Variants in GPD2 observed in about 807,000 individuals in gnomAD.
GPD2 encodes glycerol-3-phosphate dehydrogenase 2.
GPD2 carries 54 observed loss-of-function variants against 82.4 expected under a neutral mutation model. That is an observed-to-expected ratio of 0.66 (90% confidence interval 0.53 to 0.82). GPD2 has a LOEUF of 0.82. GPD2 is among the 40% of genes least tolerant of loss of function. The pLI is 0.00. For synonymous variants in GPD2, 288 were observed against 306.1 expected (o/e 0.94, Z 0.62); for missense variants, 748 against 896.2 (o/e 0.83, Z 2.11).
intron 2 of GPD2, among the ~76,000 whole-genome samples, chr2:156,489,318 GT>G (rs1684063147): frequency 6.6e-6 from 1 of 152,204 alleles, no homozygotes; most frequent in Non-Finnish European, 1.5e-5. Flanking sequence ...TTTTAAGAAA[GT>G]AGTGTGCTAA....
chr2:156,568,310 T>C (rs1053127891), intron 9 of GPD2, among the ~76,000 whole-genome samples: 1 of 152,102 alleles, frequency 6.6e-6, no homozygotes, highest in Non-Finnish European at 1.5e-5. Context: ...TGCACAGTGG[T>C]AGGCCTGCTG....
intron 6 of GPD2, among the ~76,000 whole-genome samples, chr2:156,525,290 C>G (rs1034415799): frequency 2.0e-5 from 3 of 152,112 alleles, no homozygotes; most frequent in Non-Finnish European, 4.4e-5. Flanking sequence ...GCCCCTGAGC[C>G]CTTTTGATAC....
At chr2:156,477,497 T>C (rs1031184351) in intron 2 of GPD2, among the ~76,000 whole-genome samples, 1 of 152,118 alleles carries the variant, frequency 6.6e-6, no homozygotes. Flanking sequence ...GGCCTATCAT[T>C]AAAAAACCCA....
chr2:156,511,717 G>A (rs537332337), intron 4 of GPD2, among the ~76,000 whole-genome samples: 2 of 152,292 alleles, frequency 1.3e-5, no homozygotes, highest in Admixed American at 6.5e-5. Flanking sequence ...TGTTATAATA[G>A]CAATGCTGGC....
At chr2:156,404,905 T>C in the GPD2 span, among the ~76,000 whole-genome samples, 1 of 150,532 alleles carries the variant, frequency 6.6e-6, no homozygotes, top group African/African-American at 2.4e-5. Flanking sequence ...TCGATGATGA[T>C]AACACTACAA....
chr2:156,516,774 GT>G (rs1685213620), intron 6 of GPD2, among the ~76,000 whole-genome samples: 1 of 152,204 alleles, frequency 6.6e-6, no homozygotes. Context: ...GCTGCAAGAA[GT>G]TTTGCTAACT....
At chr2:156,526,383 A>G in intron 6 of GPD2, among the ~76,000 whole-genome samples, 1 of 152,244 alleles carries the variant, frequency 6.6e-6, no homozygotes, top group East Asian at 1.9e-4. Context: ...ATATGCTGTG[A>G]TTTGTTCAAA....
At chr2:156,562,403 G>A (rs373920596) in intron 9 of GPD2, among the ~76,000 whole-genome samples, 1 of 152,056 alleles carries the variant, frequency 6.6e-6, no homozygotes, top group Non-Finnish European at 1.5e-5. Flanking sequence ...GCTTTTTCTA[G>A]TTTCATTAGT....
At chr2:156,569,909 G>A (rs1196180030) in intron 11 of GPD2, among the ~76,000 whole-genome samples, 178 bp from the exon 12 acceptor site, 1 of 151,996 alleles carries the variant, frequency 6.6e-6, no homozygotes, top group African/African-American at 2.4e-5. Context: ...GTTAGTGCTG[G>A]CCTAAGCATT....
intron 2 of GPD2, 77 bp downstream of exon 2, chr2:156,476,284 C>T: frequency 2.4e-6 from 2 of 826,872 alleles, no homozygotes; most frequent in Admixed American, 1.7e-5. Flanking sequence ...AATGTGTGCA[C>T]TAACGGTTTT....
At chr2:156,444,528 C>T (rs1381785683) in intron 1 of GPD2, among the ~76,000 whole-genome samples, 2 of 151,988 alleles carry the variant, frequency 1.3e-5, no homozygotes, top group South Asian at 2.1e-4. Context: ...GCCTGGCCAA[C>T]GTGGCAAAAC....
rs1019486831 is a variant in GPD2, at chr2:156,528,666, C to T, written c.661+15170C>T. Reference sequence around the variant, plus strand: ...ATGTGTTCTCATTGTTCAATTCCCACCTATGAGTGAGAATATGTGGTGTTC... The same window carrying T: ...ATGTGTTCTCATTGTTCAATTCCCATCTATGAGTGAGAATATGTGGTGTTC... On this transcript the variant is annotated intron_variant, in intron 6 of 16. Coordinates refer to ENST00000438166, the MANE Select transcript of GPD2 (RefSeq NM_000408.5). Among the ~76,000 whole-genome samples the T allele has an allele frequency of 3.4e-5, 5 of 147,190 alleles. 1 individual carries two copies. The highest frequency in any genetic ancestry group is 1.4e-4 in the Admixed American group (2 of 14,392).
the GPD2 span, among the ~76,000 whole-genome samples, chr2:156,410,976 G>T: frequency 6.6e-6 from 1 of 152,168 alleles, no homozygotes; most frequent in Non-Finnish European, 1.5e-5. Flanking sequence ...ACTTTAACGT[G>T]ATTATTTTCC....
At chr2:156,501,680 G>T in intron 3 of GPD2, 1 of 167,620 alleles carries the variant, frequency 6.0e-6, no homozygotes. Flanking sequence ...GTAAAAGTTT[G>T]CTCTTTGCTG....
chr2:156,465,367 T>TTC (rs1683118213), intron 1 of GPD2, among the ~76,000 whole-genome samples: 1 of 105,088 alleles, frequency 9.5e-6, no homozygotes, highest in Non-Finnish European at 2.1e-5. Context: ...CTTTCTTTTT[T>TTC]TTTTTTTTTT....
chr2:156,498,456 G>A (rs297579), intron 3 of GPD2, among the ~76,000 whole-genome samples: 98,091 of 152,090 alleles, frequency 0.64, 32,382 homozygotes, highest in Middle Eastern at 0.81. Context: ...GGCAAACATT[G>A]CTTGCTCAAA....
At chr2:156,476,284 C>G (rs1216203176) in intron 2 of GPD2, 77 bp downstream of exon 2, 8 of 826,754 alleles carry the variant, frequency 9.7e-6, no homozygotes, top group Non-Finnish European at 4.3e-6. Context: ...AATGTGTGCA[C>G]TAACGGTTTT....
intron 6 of GPD2, among the ~76,000 whole-genome samples, chr2:156,547,125 G>A (rs7599290): frequency 0.67 from 102,347 of 152,082 alleles, 34,828 homozygotes; most frequent in Middle Eastern, 0.81. Flanking sequence ...GTTATATTCC[G>A]TGCATTTGTC....
the GPD2 span, among the ~76,000 whole-genome samples, chr2:156,401,115 A>AT: frequency 4.4e-4 from 67 of 152,182 alleles, no homozygotes; most frequent in Non-Finnish European, 2.6e-4. Context: ...CCTGTGTATG[A>AT]TACCCACAGA....
Sources: allele counts gnomAD v4.1 joint callset (sites outside exome capture counted in the v4.1 genomes callset), GRCh38; gene constraint gnomAD v4.1.1; transcripts MANE v1.5; gene names NCBI Gene and HGNC (gene_info 2026-07-23, HGNC 2026-07-21).